Variants in CDH18 observed in about 807,000 individuals in gnomAD.
CDH18 encodes the protein cadherin 18, also known as cadherin-18.
Under a neutral mutation model 67.9 loss-of-function variants are expected in CDH18, and 31 were observed. The observed-to-expected ratio is 0.46, with a 90% confidence interval of 0.34 to 0.62. The LOEUF (loss-of-function observed/expected upper bound fraction) is 0.62, where lower values mean the gene tolerates loss of function less well. Among genes scored for constraint, CDH18 ranks in the 20% least tolerant of loss-of-function variants. The pLI, the probability that CDH18 is intolerant of heterozygous loss-of-function variation, is 0.01. For missense variants in CDH18, 890 were observed against 975.5 expected (o/e 0.91, Z 1.17); for synonymous variants, 362 against 347.2 (o/e 1.04, Z -0.48).
At chr5:20,171,845 T>C (rs1736741323) in intron 2 of CDH18, among the ~76,000 whole-genome samples, 1 of 151,980 alleles carries the variant, frequency 6.6e-6, no homozygotes, top group South Asian at 2.1e-4. Flanking sequence ...TTTTCAGTTT[T>C]AGGTCTTCCA....
At position 20,496,570 on chromosome 5, in the gene CDH18, C is replaced by T. The variant is rs544306528; in HGVS notation, c.-580+78892G>A. ...AATATTCATTTTTTTGAGATGGAGTCTCGCTCTGTCGCCAATATACTAATG... is the reference window on the plus strand; with the variant it reads ...AATATTCATTTTTTTGAGATGGAGTTTCGCTCTGTCGCCAATATACTAATG... On this transcript the variant is annotated intron_variant, in intron 1 of 14. Transcript: ENST00000507958. Among the ~76,000 whole-genome samples the T allele has an allele frequency of 3.3e-5, 5 of 152,158 alleles. No individual in the cohort carries two copies. In the South Asian group the frequency reaches 1.0e-3, roughly 31 times the overall value.
intron 2 of CDH18, among the ~76,000 whole-genome samples, chr5:19,841,424 T>C (rs1273737698): frequency 6.6e-6 from 1 of 152,064 alleles, no homozygotes; most frequent in Non-Finnish European, 1.5e-5. Flanking sequence ...CTCATGTTTT[T>C]CAGTCTCACT....
chr5:19,881,791 C>CCACT (rs769019769), intron 2 of CDH18, among the ~76,000 whole-genome samples: 3 of 152,224 alleles, frequency 2.0e-5, no homozygotes, highest in East Asian at 1.9e-4. Flanking sequence ...CAGGCATGAG[C>CCACT]CACTGCACCT....
intron 1 of CDH18, among the ~76,000 whole-genome samples, chr5:20,416,787 C>A (rs890880658): frequency 1.3e-5 from 2 of 151,952 alleles, no homozygotes; most frequent in Non-Finnish European, 2.9e-5. Flanking sequence ...TGATAAGGTT[C>A]TTTACAGCAT....
intron 1 of CDH18, among the ~76,000 whole-genome samples, chr5:20,285,759 A>T (rs1182694192): frequency 6.6e-6 from 1 of 151,648 alleles, no homozygotes; most frequent in African/African-American, 2.4e-5. Flanking sequence ...AATCATTTAA[A>T]TTTAGTAATA....
intron 1 of CDH18, among the ~76,000 whole-genome samples, chr5:20,565,306 T>C (rs573540483): frequency 6.6e-6 from 1 of 152,164 alleles, no homozygotes. Flanking sequence ...TTGTTGTATA[T>C]ACTCAGTAAA....
intron 1 of CDH18, among the ~76,000 whole-genome samples, chr5:20,321,090 A>G (rs186520602): frequency 1.3e-5 from 2 of 152,190 alleles, no homozygotes; most frequent in African/African-American, 4.8e-5. Flanking sequence ...GGAAATACAA[A>G]ACATACTTTA....
intron 9 of CDH18, among the ~76,000 whole-genome samples, chr5:19,534,110 T>G (rs898588313): frequency 2.0e-5 from 3 of 152,054 alleles, no homozygotes; most frequent in Non-Finnish European, 4.4e-5. Flanking sequence ...CTCATCAAAT[T>G]GCTCCTTATT....
At chr5:20,184,586 C>G (rs1208533584) in intron 2 of CDH18, among the ~76,000 whole-genome samples, 2 of 152,060 alleles carry the variant, frequency 1.3e-5, no homozygotes, top group African/African-American at 2.4e-5. Flanking sequence ...ATTTTCCAAG[C>G]AACTCACACC....
intron 5 of CDH18, among the ~76,000 whole-genome samples, chr5:19,653,259 C>A (rs773866168): frequency 1.1e-4 from 16 of 151,990 alleles, no homozygotes; most frequent in Non-Finnish European, 2.1e-4. Context: ...TAGCAACAAT[C>A]GAGTCTAGAA....
chr5:20,297,544 A>G (rs1747638523), intron 1 of CDH18, among the ~76,000 whole-genome samples: 1 of 152,222 alleles, frequency 6.6e-6, no homozygotes, highest in South Asian at 2.1e-4. Context: ...CCAAAATATG[A>G]AAAAAGGCAA....
chr5:20,513,303 A>C (rs2126492626), intron 1 of CDH18, among the ~76,000 whole-genome samples: 1 of 152,238 alleles, frequency 6.6e-6, no homozygotes, highest in Non-Finnish European at 1.5e-5. Flanking sequence ...GCAAAACATA[A>C]ATTAAGAACT....
At chr5:20,053,699 C>T (rs942676321) in intron 2 of CDH18, among the ~76,000 whole-genome samples, 1 of 152,138 alleles carries the variant, frequency 6.6e-6, no homozygotes, top group Admixed American at 6.6e-5. Flanking sequence ...TGGATGTCAA[C>T]ATCAACTCTC....
intron 1 of CDH18, chr5:20,305,612 C>G (rs888669575): frequency 1.2e-4 from 58 of 499,026 alleles, no homozygotes; most frequent in African/African-American, 8.0e-4. Flanking sequence ...ACTTGGTGCT[C>G]GGCAAACCCA....
intron 2 of CDH18, among the ~76,000 whole-genome samples, chr5:20,116,916 T>C (rs1190365790): frequency 6.6e-6 from 1 of 152,038 alleles, no homozygotes; most frequent in Non-Finnish European, 1.5e-5. Flanking sequence ...GAAAACAACA[T>C]ATATTTTTAC....
chr5:19,960,312 T>C (rs1796665010), intron 2 of CDH18, among the ~76,000 whole-genome samples: 1 of 151,228 alleles, frequency 6.6e-6, no homozygotes, highest in African/African-American at 2.5e-5. Flanking sequence ...AGCACTTCTC[T>C]ATCTTTCATT....
At position 19,524,159 on chromosome 5, in the gene CDH18, T is replaced by C. The variant is rs564793488; in HGVS notation, c.1391-3381A>G. 2.0e-5 allele frequency among the ~76,000 whole-genome samples: 3 copies of C among 151,858 alleles called. No homozygotes were observed. In the South Asian group the frequency reaches 6.2e-4, roughly 32 times the overall value. Reference sequence around the variant, plus strand: ...TTGTATTTTGCAACATCTTTGTAGATATCAAGAATTACATTATATATATGT... The same window carrying C: ...TTGTATTTTGCAACATCTTTGTAGACATCAAGAATTACATTATATATATGT... On this transcript the variant is annotated intron_variant, in intron 9 of 12. Coordinates refer to ENST00000382275, the MANE Select transcript of CDH18 (RefSeq NM_004934.5).
intron 4 of CDH18, among the ~76,000 whole-genome samples, chr5:19,738,724 G>A (rs2150684248): frequency 6.6e-6 from 1 of 152,168 alleles, no homozygotes; most frequent in African/African-American, 2.4e-5. Flanking sequence ...ATGTACTCTG[G>A]GGCCTACCAA....
At chr5:19,920,577 G>C (rs1255309261) in intron 2 of CDH18, among the ~76,000 whole-genome samples, 1 of 140,622 alleles carries the variant, frequency 7.1e-6, no homozygotes, top group Non-Finnish European at 1.5e-5. Context: ...ACAATGGCAC[G>C]ATCTCGGCTC....
Sources: gnomAD v4.1 joint callset for allele counts (sites outside exome capture counted in the v4.1 genomes callset) on GRCh38, gnomAD v4.1.1 for gene constraint, MANE v1.5 for transcripts, NCBI Gene and HGNC (gene_info 2026-07-23, HGNC 2026-07-21) for gene names.